The following JAZF1 variants were observed in gnomAD, a reference collection of about 807,000 sequenced individuals.
JAZF1 encodes JAZF zinc finger 1.
JAZF1 carries 8 observed loss-of-function variants against 26.4 expected under a neutral mutation model. The observed-to-expected ratio is 0.30, with a 90% confidence interval of 0.18 to 0.55. The LOEUF (loss-of-function observed/expected upper bound fraction) is 0.55. JAZF1 is among the 20% of genes least tolerant of loss of function. The pLI is 0.94. For missense variants in JAZF1, 199 were observed against 322.0 expected, an observed-to-expected ratio of 0.62 and a Z score of 2.92; for synonymous variants, 126 against 122.3, an observed-to-expected ratio of 1.03 and a Z score of -0.20.
intron 2 of JAZF1, among the ~76,000 whole-genome samples, chr7:27,956,345 T>C (rs1199673374): frequency 6.6e-6 from 1 of 152,186 alleles, no homozygotes; most frequent in Non-Finnish European, 1.5e-5. Context: ...CTTCCCTCAC[T>C]GATTCTGCCA....
In JAZF1 at chr7:27,949,712, G is replaced by A. The variant is rs146029405; in HGVS notation, c.188+42197C>T. Among the ~76,000 whole-genome samples, 879 of 152,314 alleles carry A rather than the reference G, an allele frequency of 5.8e-3. 10 individuals carry two copies. Among genetic ancestry groups the A allele is most frequent in the African/African-American group, 0.02 (840 of 41,552 alleles). ...CAGGACAGAGAGGTTGCAATGAGCC[G>A]AAATTGTGCCATTGCACTCTACCCC... is the stretch of plus-strand genomic sequence containing the variant. On this transcript the variant is annotated intron_variant, in intron 2 of 4. Transcript: ENST00000283928.
chr7:27,978,294 T>G (rs543448696), intron 2 of JAZF1, among the ~76,000 whole-genome samples: 1 of 152,334 alleles, frequency 6.6e-6, no homozygotes, highest in East Asian at 1.9e-4. Flanking sequence ...CCTATACTCT[T>G]AACCACTACA....
At chr7:28,141,549 T>C (rs1782959119) in intron 1 of JAZF1, among the ~76,000 whole-genome samples, 10 of 152,212 alleles carry the variant, frequency 6.6e-5, no homozygotes, top group Admixed American at 5.9e-4. Context: ...TTAGATGTTT[T>C]CAATAACACA....
At chr7:28,148,040 T>C (rs1049670617) in intron 1 of JAZF1, among the ~76,000 whole-genome samples, 3 of 151,954 alleles carry the variant, frequency 2.0e-5, no homozygotes, top group African/African-American at 7.3e-5. Flanking sequence ...GCATTATATA[T>C]ATAATGTGGT....
chr7:28,003,260 T>C (rs1782635099), intron 1 of JAZF1, among the ~76,000 whole-genome samples: 2 of 152,036 alleles, frequency 1.3e-5, no homozygotes, highest in South Asian at 4.1e-4. Context: ...TGTATCATAC[T>C]AAGTGCAGGG....
rs77525093 is a variant in JAZF1 at position 28,057,220 on chromosome 7, T to G, written c.116-65239A>C. On this transcript the variant is annotated intron_variant, in intron 1 of 4. Transcript: ENST00000283928. ...ATTTGCTAAATAAATGAATTGGTAA[T>G]ATAAGGAAGATTTCAGCTTGACTAT... Among the ~76,000 whole-genome samples, 840 of 152,284 alleles carry G rather than the reference T, an allele frequency of 5.5e-3. 6 individuals carry two copies. The highest frequency in any genetic ancestry group is 0.02 in the African/African-American group (811 of 41,552).
intron 1 of JAZF1, among the ~76,000 whole-genome samples, chr7:28,089,744 T>C (rs1784265201): frequency 1.3e-5 from 2 of 152,224 alleles, no homozygotes; most frequent in Admixed American, 6.5e-5. Context: ...TATTGAATAA[T>C]TAAGAAAAGT....
chr7:27,968,983 T>C (rs975022733), intron 2 of JAZF1, among the ~76,000 whole-genome samples: 4 of 152,202 alleles, frequency 2.6e-5, no homozygotes, highest in Non-Finnish European at 4.4e-5. Flanking sequence ...TAGTATACAG[T>C]ACCAAGATGG....
intron 2 of JAZF1, among the ~76,000 whole-genome samples, chr7:27,983,374 T>C (rs1314170916): frequency 2.0e-5 from 3 of 151,920 alleles, no homozygotes; most frequent in South Asian, 2.1e-4. Flanking sequence ...ATGAATGAAA[T>C]GAAGTGAGAA....
chr7:28,024,768 T>C (rs909565039), intron 1 of JAZF1, among the ~76,000 whole-genome samples: 1 of 152,154 alleles, frequency 6.6e-6, no homozygotes, highest in African/African-American at 2.4e-5. Flanking sequence ...TGCCATGCCC[T>C]GAGCCTGCAA....
chr7:27,972,889 A>G (rs1275987587), intron 2 of JAZF1, among the ~76,000 whole-genome samples: 2 of 151,828 alleles, frequency 1.3e-5, no homozygotes, highest in African/African-American at 4.8e-5. Context: ...ATATCTATAT[A>G]CATATATGTA....
intron 2 of JAZF1, among the ~76,000 whole-genome samples, chr7:27,908,275 G>T (rs1406473893): frequency 6.8e-6 from 1 of 147,828 alleles, no homozygotes; most frequent in Non-Finnish European, 1.5e-5. Context: ...ATTGTTGAAA[G>T]ATAGAGCAGA....
At position 27,910,543 on chromosome 7, in the gene JAZF1, A is replaced by C. The variant is rs1379270718; in HGVS notation, c.189-15127T>G. ...GCTCCCAGGAATGCATGCGTCCCAC[A>C]ATCCTGTTTATCCTGCTGGTTTATT... On this transcript the variant is annotated intron_variant, in intron 2 of 4. Transcript: ENST00000283928. 2.0e-5 allele frequency among the ~76,000 whole-genome samples: 3 copies of C among 152,204 alleles called. No homozygotes were observed. In the East Asian group the frequency reaches 5.8e-4, roughly 29 times the overall value.
intron 1 of JAZF1, among the ~76,000 whole-genome samples, chr7:28,153,860 G>C (rs1783143157): frequency 6.6e-6 from 1 of 152,192 alleles, no homozygotes; most frequent in South Asian, 2.1e-4. Context: ...GCTTTGGGAT[G>C]TCTGCAGCTC....
chr7:27,867,017 CTG>C (rs1392379741), intron 3 of JAZF1, among the ~76,000 whole-genome samples: 1 of 152,188 alleles, frequency 6.6e-6, no homozygotes, highest in African/African-American at 2.4e-5. Flanking sequence ...AGAGTGAGTA[CTG>C]TCTTTGTTGG....
intron 4 of JAZF1, among the ~76,000 whole-genome samples, chr7:27,839,292 G>A (rs888531600): frequency 5.3e-5 from 8 of 152,186 alleles, no homozygotes; most frequent in South Asian, 4.1e-4. Context: ...CAGCAAGACC[G>A]CAGTGGTGGG....
chr7:28,037,321 G>A (rs1045108594), intron 1 of JAZF1, among the ~76,000 whole-genome samples: 4 of 152,176 alleles, frequency 2.6e-5, no homozygotes, highest in African/African-American at 7.2e-5. Context: ...TTCCAGGCAG[G>A]ACCAATTAAA....
chr7:28,147,541 A>G (rs1783045890), intron 1 of JAZF1, among the ~76,000 whole-genome samples: 1 of 151,696 alleles, frequency 6.6e-6, no homozygotes, highest in African/African-American at 2.4e-5. Flanking sequence ...AGACATCTGG[A>G]AAATAGAGAA....
intron 1 of JAZF1, among the ~76,000 whole-genome samples, chr7:27,994,907 T>C (rs901654430): frequency 3.3e-5 from 5 of 152,156 alleles, no homozygotes; most frequent in Non-Finnish European, 5.9e-5. Flanking sequence ...AACTGTCTGA[T>C]GCTAAAAACT....
Sources: gnomAD v4.1 joint callset for allele counts (sites outside exome capture counted in the v4.1 genomes callset) on GRCh38, gnomAD v4.1.1 for gene constraint, MANE v1.5 for transcripts, NCBI Gene and HGNC (gene_info 2026-07-23, HGNC 2026-07-21) for gene names.